The following PCDHA8 variants were observed in gnomAD, a reference collection of about 807,000 sequenced individuals.
The protein encoded by PCDHA8 is protocadherin alpha 8.
In PCDHA8, 53 loss-of-function variants were observed where a neutral mutation model predicts 61.8. The observed-to-expected ratio is 0.86, with a 90% CI of 0.69 to 1.08. PCDHA8 has a LOEUF of 1.08. Among genes scored for constraint, PCDHA8 ranks in the 50% least tolerant of loss-of-function variants. The probability of loss-of-function intolerance (pLI) is 0.00; values close to 1 mark genes in which losing one functional copy is unlikely to be tolerated. For synonymous variants in PCDHA8, 618 were observed against 556.6 expected (o/e 1.11, Z -1.55); for missense variants, 1,293 against 1,245.0 (o/e 1.04, Z -0.58).
intron 1 of PCDHA8, chr5:140,966,570 G>A: frequency 2.0e-6 from 1 of 501,774 alleles, no homozygotes; most frequent in Non-Finnish European, 3.3e-6. Context: ...GGAATATGGG[G>A]AGTCAGCGAG....
At position 140,865,331 on chromosome 5, in the gene PCDHA8, TAAAG is replaced by T. The variant is rs2048827631; in HGVS notation, c.2394+21620_2394+21623del. 4 of 152,230 alleles carry T rather than the reference TAAAG, an allele frequency of 2.6e-5. No homozygotes were observed. The South Asian group carries it at 8.3e-4, about 31-fold the overall frequency. The allele number at this position is 152,230 out of a possible 1,614,324, so 9.4% of individuals were successfully genotyped here. On this transcript the variant is annotated intron_variant, in intron 1 of 3. Transcript: ENST00000531613. ...AAATGAGATGGCCTTTAATTCTGTGTAAAGAAATAGTATATTTACATATTGCAGG... is the reference window on the plus strand; with the variant it reads ...AAATGAGATGGCCTTTAATTCTGTGTAAATAGTATATTTACATATTGCAGG...
intron 1 of PCDHA8, among the ~76,000 whole-genome samples, chr5:140,920,853 A>C (rs375783359): frequency 1.3e-5 from 2 of 152,062 alleles, no homozygotes; most frequent in African/African-American, 4.8e-5. Flanking sequence ...AAAAAAAAAA[A>C]AAAAACAAAC....
intron 1 of PCDHA8, among the ~76,000 whole-genome samples, chr5:140,920,357 A>G (rs782419559): frequency 5.3e-5 from 8 of 151,994 alleles, no homozygotes; most frequent in Non-Finnish European, 8.8e-5. Context: ...TGCTAGTTCT[A>G]TTCATTTATT....
intron 1 of PCDHA8, chr5:140,926,951 G>T (rs1554203848): frequency 1.9e-6 from 3 of 1,596,266 alleles, no homozygotes; most frequent in Middle Eastern, 1.7e-4. Context: ...GCTGCAGCGG[G>T]ACAGCTCGAG....
intron 1 of PCDHA8, chr5:140,928,844 C>G (rs782361945): frequency 6.2e-7 from 1 of 1,614,168 alleles, no homozygotes; most frequent in Admixed American, 1.7e-5. Context: ...TCCTCTGTCA[C>G]TCTGGGTGTG....
chr5:140,843,177 G>A lies in PCDHA8; in HGVS notation c.1856G>A (p.Arg619His), dbSNP rs1778635433. 1 of 1,596,058 alleles carries A rather than the reference G, an allele frequency of 6.3e-7. No individual in the cohort carries two copies. Among genetic ancestry groups the A allele is most frequent in the Non-Finnish European group, 8.6e-7 (1 of 1,165,590 alleles). Residue 619 changes from arginine (R) to histidine (H), a missense_variant, in exon 1 of 4, where the codon CGC becomes CAC. Physicochemically the swap from Arg to His is conservative, Grantham distance 29. Coordinates refer to ENST00000531613, the MANE Select transcript of PCDHA8 (RefSeq NM_018911.3). The part of the protein sequence containing the change: ...YELQPAASSP[R>H]IPFRVGLYTG... The stretch of plus-strand genomic sequence containing the variant: ...CTGCAGCCAGCTGCAAGCAGCCCTC[G>A]CATCCCGTTCCGCGTGGGGCTGTAC...
chr5:140,856,423 T>G (rs1266159746), intron 1 of PCDHA8: 1 of 1,598,178 alleles, frequency 6.3e-7, no homozygotes, highest in East Asian at 2.2e-5. Context: ...TGAAGGACAT[T>G]AACGACAACC....
chr5:140,870,264 G>C (rs1554163970), intron 1 of PCDHA8: 1 of 1,614,166 alleles, frequency 6.2e-7, no homozygotes, highest in South Asian at 1.1e-5. Context: ...TGACCTGCTC[G>C]CTGACGCCCC....
chr5:140,906,456 G>T (rs527287837), intron 1 of PCDHA8, among the ~76,000 whole-genome samples: 1 of 152,278 alleles, frequency 6.6e-6, no homozygotes, highest in African/African-American at 2.4e-5. Context: ...ATAAAATGAA[G>T]ATATTTTCTT....
chr5:140,850,186 C>T lies in PCDHA8; in HGVS notation c.2394+6471C>T, dbSNP rs2150472009. On this transcript the variant is annotated intron_variant, in intron 1 of 3. Transcript: ENST00000531613. ...CTGGACGAGAACGACAATGCGCCGG[C>T]GCTGCTGACACCTCGGATGAGGGGC... 4.4e-6 allele frequency: 7 copies of T among 1,593,614 alleles called. No homozygotes were observed. In the African/African-American group the frequency reaches 5.4e-5, roughly 12 times the overall value.
chr5:140,883,804 G>T (rs373228578), intron 1 of PCDHA8: 1 of 1,612,420 alleles, frequency 6.2e-7, no homozygotes, highest in African/African-American at 1.3e-5. Context: ...CGGTGCACGC[G>T]GAGAGCGGCA....
At position 140,842,664 on chromosome 5, in the gene PCDHA8, T is replaced by C; in HGVS notation, c.1343T>C (p.Val448Ala). The change falls in exon 1 of 4, where the codon GTG becomes GCG. Residue 448 changes from valine to alanine, a missense_variant. Physicochemically the swap from Val to Ala is moderately conservative, Grantham distance 64. Coordinates refer to ENST00000531613, the MANE Select transcript of PCDHA8 (RefSeq NM_018911.3). ...TASLSVEVADVNDNAPAFAQP... is the reference protein window; with the variant it reads ...TASLSVEVADANDNAPAFAQP... ...AGCTTGTCTGTGGAGGTGGCCGACG[T>C]GAACGACAATGCTCCGGCGTTCGCG... The C allele has an allele frequency of 6.3e-7, 1 of 1,595,188 alleles. No homozygotes were observed. Among genetic ancestry groups the C allele is most frequent in the Non-Finnish European group, 8.6e-7 (1 of 1,165,432 alleles).
chr5:140,928,036 G>T, intron 1 of PCDHA8: 1 of 1,614,158 alleles, frequency 6.2e-7, no homozygotes, highest in Non-Finnish European at 8.5e-7. Context: ...CATGTCTAGT[G>T]CAGGCCCTTT....
Position 140,951,753 on chromosome 5 carries a change from C to T in PCDHA8, c.2395-27196C>T, listed in dbSNP as rs140119406. ...ATTCTGCCACTGCCCTCACCCTCCGCGAAATCTCATGACGTTCTTACATTG... is the reference window on the plus strand; with the variant it reads ...ATTCTGCCACTGCCCTCACCCTCCGTGAAATCTCATGACGTTCTTACATTG... On this transcript the variant is annotated intron_variant, in intron 1 of 3. Transcript: ENST00000531613. Among the ~76,000 whole-genome samples the T allele has an allele frequency of 7.0e-3, 1,059 of 152,208 alleles. 11 individuals are homozygous for T. The highest frequency in any genetic ancestry group is 0.014 in the Admixed American group (209 of 15,290).
chr5:140,876,814 G>C (rs571648883), intron 1 of PCDHA8: 4 of 1,614,226 alleles, frequency 2.5e-6, no homozygotes, highest in Non-Finnish European at 2.5e-6. Flanking sequence ...GGTGGCCGAC[G>C]TGAACGACAA....
intron 1 of PCDHA8, chr5:140,849,388 T>G: frequency 6.5e-7 from 1 of 1,533,538 alleles, no homozygotes; most frequent in Non-Finnish European, 8.9e-7. Context: ...ATGGACCCCT[T>G]AAGTGGGGCA....
intron 1 of PCDHA8, chr5:140,862,879 G>T: frequency 1.8e-6 from 1 of 567,506 alleles, no homozygotes. Context: ...AGGTATTAGT[G>T]CTGGAACGAC....
intron 1 of PCDHA8, chr5:140,875,349 C>G: frequency 6.9e-7 from 1 of 1,444,894 alleles, no homozygotes; most frequent in Non-Finnish European, 9.1e-7. Flanking sequence ...TCCATAATGA[C>G]TGTGATGCTG....
At chr5:140,920,746 A>AG (rs1190651507) in intron 1 of PCDHA8, among the ~76,000 whole-genome samples, 2 of 151,430 alleles carry the variant, frequency 1.3e-5, no homozygotes, top group African/African-American at 4.8e-5. Context: ...CAGGAGGCTG[A>AG]GGCAGGAGAA....
Sources: gnomAD v4.1 joint callset for allele counts (sites outside exome capture counted in the v4.1 genomes callset) on GRCh38, gnomAD v4.1.1 for gene constraint, MANE v1.5 for transcripts, NCBI Gene and HGNC (gene_info 2026-07-23, HGNC 2026-07-21) for gene names.